CNTN6: variants seen among roughly 807,000 people sequenced by gnomAD.
CNTN6 encodes the protein contactin-6.
A neutral mutation model predicts 122.8 loss-of-function variants in CNTN6; 137 were observed. The ratio of observed to expected loss-of-function variants is 1.12; its 90% CI spans 0.97 to 1.29. The LOEUF is 1.29. Among genes scored for constraint, CNTN6 ranks in the 50% most tolerant of loss-of-function variants. The pLI, the probability that CNTN6 is intolerant of heterozygous loss-of-function variation, is 0.00. For missense variants in CNTN6, 1,634 were observed against 1,223.4 expected, an observed-to-expected ratio of 1.34 and a Z score of -5.01; for synonymous variants, 570 against 426.0, an observed-to-expected ratio of 1.34 and a Z score of -4.16.
chr3:1,102,219 TG>T (rs2090937617), intron 1 of CNTN6, among the ~76,000 whole-genome samples: 1 of 152,186 alleles, frequency 6.6e-6, no homozygotes, highest in South Asian at 2.1e-4. Context: ...GTATGTCTAA[TG>T]TGGTTGTGTA....
chr3:1,236,823 G>A (rs559509579), intron 4 of CNTN6, among the ~76,000 whole-genome samples: 1 of 152,268 alleles, frequency 6.6e-6, no homozygotes, highest in Non-Finnish European at 1.5e-5. Flanking sequence ...GCTCACGCCT[G>A]TAATCCCAGC....
chr3:1,166,191 T>C (rs1279691463), intron 2 of CNTN6, among the ~76,000 whole-genome samples: 1 of 152,174 alleles, frequency 6.6e-6, no homozygotes, highest in East Asian at 1.9e-4. Context: ...TAGTCACAAA[T>C]ATGGGCAGTA....
At chr3:1,251,169 C>G (rs1188961009) in intron 4 of CNTN6, among the ~76,000 whole-genome samples, 3 of 152,140 alleles carry the variant, frequency 2.0e-5, no homozygotes, top group Non-Finnish European at 2.9e-5. Context: ...TTCTTGACTT[C>G]TTTCGTTCTG....
intron 22 of CNTN6, 141 bp downstream of exon 22, chr3:1,402,627 C>T (rs1218415721): frequency 1.6e-6 from 1 of 640,362 alleles, no homozygotes; most frequent in East Asian, 2.9e-5. Flanking sequence ...AGGTGATGAG[C>T]CATTTTTTTA....
chr3:1,102,665 T>A (rs761587882), intron 1 of CNTN6, among the ~76,000 whole-genome samples: 1 of 148,832 alleles, frequency 6.7e-6, no homozygotes, highest in African/African-American at 2.4e-5. Flanking sequence ...GGGGCGGAGC[T>A]TGCAGTGAGC....
intron 2 of CNTN6, among the ~76,000 whole-genome samples, chr3:1,216,528 A>C (rs1462466605): frequency 6.6e-6 from 1 of 152,232 alleles, no homozygotes; most frequent in African/African-American, 2.4e-5. Flanking sequence ...TACTGATATA[A>C]GAAAACTCAC....
intron 20 of CNTN6, among the ~76,000 whole-genome samples, chr3:1,390,988 G>A (rs1694056910): frequency 2.1e-5 from 3 of 140,118 alleles, no homozygotes; most frequent in African/African-American, 8.2e-5. Flanking sequence ...AGGAGGAACT[G>A]GTACCATTCC....
intron 3 of CNTN6, among the ~76,000 whole-genome samples, chr3:1,224,307 G>A (rs1008820876): frequency 4.6e-5 from 7 of 152,118 alleles, no homozygotes; most frequent in Non-Finnish European, 1.0e-4. Flanking sequence ...GTCAAAGGGT[G>A]AGAAGTGACC....
Position 1,245,914 on chromosome 3 carries a change from T to TAAA in CNTN6, c.358+17929_358+17931dup, listed in dbSNP as rs59509148. ...ATACACAAATTTTTAGCTGATGAGC[T>TAAA]AAAAAAAAAATTGCAAAAAAATCTC... is the stretch of plus-strand genomic sequence containing the variant. On this transcript the variant is annotated intron_variant, in intron 4 of 22. Coordinates refer to ENST00000446702, the MANE Select transcript of CNTN6 (RefSeq NM_001289080.2). Among the ~76,000 whole-genome samples the TAAA allele has an allele frequency of 2.4e-3, 359 of 148,960 alleles. 2 individuals are homozygous for TAAA. The highest frequency in any genetic ancestry group is 8.3e-3 in the African/African-American group (339 of 40,632).
At chr3:1,284,359 G>A (rs1382617218) in intron 5 of CNTN6, among the ~76,000 whole-genome samples, 1 of 152,176 alleles carries the variant, frequency 6.6e-6, no homozygotes, top group Non-Finnish European at 1.5e-5. Flanking sequence ...TGTGCTTGCT[G>A]TTTCTGGCGT....
rs1384452516 is a variant in CNTN6 at position 1,329,917 on chromosome 3, C to A, written c.1346C>A (p.Thr449Asn). 18 of 1,572,498 alleles carry A rather than the reference C, an allele frequency of 1.1e-5. No individual in the cohort carries two copies. Among genetic ancestry groups the A allele is most frequent in the South Asian group, 2.4e-5 (2 of 82,200 alleles). The change falls in exon 11 of 23, where the codon ACC becomes AAC. Residue 449 changes from threonine to asparagine, a missense_variant. Transcript: ENST00000446702. ...ATCTCTTGGAAAAGAGGAACGGAGA[C>A]CCTTAGACAAAGCAAAAGGTAAACA... ...AAISWKRGTE[T>N]LRQSKRIFLL...
chr3:1,325,709 G>A, intron 8 of CNTN6, 106 bp from the exon 9 acceptor site: 8 of 1,173,008 alleles, frequency 6.8e-6, no homozygotes, highest in Non-Finnish European at 9.4e-6. Context: ...AATCCAACTG[G>A]ACCCAGTTAG....
At chr3:1,141,408 A>T (rs781203668) in intron 1 of CNTN6, among the ~76,000 whole-genome samples, 1 of 152,202 alleles carries the variant, frequency 6.6e-6, no homozygotes, top group East Asian at 1.9e-4. Context: ...CGCACTTGCA[A>T]CAATGATGTC....
rs115321594 is a variant in CNTN6 at position 1,400,777 on chromosome 3, G to A, written c.2705-656G>A. On this transcript the variant is annotated intron_variant, in intron 20 of 22. Coordinates refer to ENST00000446702, the MANE Select transcript of CNTN6 (RefSeq NM_001289080.2). Reference sequence around the variant, plus strand: ...GTGGTGAACAGTCATGATTTCTGCCGTGTGCAGTGAGAATGACAAAGAGGT... The same window carrying A: ...GTGGTGAACAGTCATGATTTCTGCCATGTGCAGTGAGAATGACAAAGAGGT... Among the ~76,000 whole-genome samples, 1,061 of 152,174 alleles carry A rather than the reference G, an allele frequency of 7.0e-3. 13 individuals carry two copies. The highest frequency in any genetic ancestry group is 0.024 in the African/African-American group (993 of 41,544).
intron 7 of CNTN6, among the ~76,000 whole-genome samples, chr3:1,313,453 A>G (rs990241161): frequency 2.6e-5 from 4 of 152,084 alleles, no homozygotes; most frequent in African/African-American, 9.7e-5. Flanking sequence ...GTATTTTAGA[A>G]TGTACTCTCA....
At chr3:1,294,305 G>A (rs1271346258) in intron 5 of CNTN6, among the ~76,000 whole-genome samples, 1 of 152,034 alleles carries the variant, frequency 6.6e-6, no homozygotes, top group African/African-American at 2.4e-5. Context: ...AAAACAATAG[G>A]TGAACCTTAA....
At chr3:1,348,203 C>T (rs1424496197) in intron 11 of CNTN6, among the ~76,000 whole-genome samples, 1 of 143,136 alleles carries the variant, frequency 7.0e-6, no homozygotes, top group Non-Finnish European at 1.5e-5. Flanking sequence ...TTAACTTGGC[C>T]CAGTAACACA....
At chr3:1,371,535 A>G (rs960596714) in intron 12 of CNTN6, among the ~76,000 whole-genome samples, 1 of 152,118 alleles carries the variant, frequency 6.6e-6, no homozygotes, top group Non-Finnish European at 1.5e-5. Flanking sequence ...CGAAGTAGTC[A>G]TAACGATCTA....
At chr3:1,165,114 G>A (rs926624847) in intron 2 of CNTN6, among the ~76,000 whole-genome samples, 1 of 152,146 alleles carries the variant, frequency 6.6e-6, no homozygotes, top group Non-Finnish European at 1.5e-5. Context: ...TTATTAGAGG[G>A]TCAGAGATGT....
Sources: allele counts gnomAD v4.1 joint callset (sites outside exome capture counted in the v4.1 genomes callset), GRCh38; gene constraint gnomAD v4.1.1; transcripts MANE v1.5; gene names NCBI Gene and HGNC (gene_info 2026-07-23, HGNC 2026-07-21).